Variants in TMC2 observed in about 807,000 individuals in gnomAD.
TMC2 encodes the protein transmembrane channel-like protein 2.
Under a neutral mutation model 105.9 loss-of-function variants are expected in TMC2, and 102 were observed. That is an observed-to-expected ratio of 0.96 (90% CI 0.82 to 1.14). The LOEUF is 1.14. Ranked by LOEUF, TMC2 falls within the 50% of genes most tolerant of loss-of-function variation. The probability of loss-of-function intolerance (pLI) is 0.00; values close to 1 mark genes in which losing one functional copy is unlikely to be tolerated. For missense variants in TMC2, 1,093 were observed against 1,134.3 expected (o/e 0.96, Z 0.52); for synonymous variants, 402 against 422.8 (o/e 0.95, Z 0.60).
Position 2,558,507 on chromosome 20 carries a change from G to C in TMC2, c.134G>C (p.Gly45Ala). 2 of 1,558,470 alleles carry C rather than the reference G, an allele frequency of 1.3e-6. No homozygotes were observed. The highest frequency in any genetic ancestry group is 1.7e-6 in the Non-Finnish European group (2 of 1,151,264). Reference protein sequence around the residue: ...SSSKRALKAEGTPGRRGAQRS... With the variant: ...SSSKRALKAEATPGRRGAQRS... ...AGCAAGCGGGCTCTCAAAGCCGAGG[G>C]GACCCCAGGCAGGCGCGGAGCTCAG... Residue 45 changes from glycine (G) to alanine (A), a missense_variant, in exon 3 of 20, where the codon GGG (glycine) becomes GCG (alanine). By Grantham distance (60) the Gly-to-Ala change is moderately conservative (BLOSUM62 0). Transcript: ENST00000358864. This position sits in a 1 kb window ranked among gnomAD's most constrained non-coding sequence, Gnocchi z 4.6.
chr20:2,616,936 GC>G lies in TMC2; in HGVS notation c.1941-132del. 2.2e-6 allele frequency: 2 copies of G among 892,666 alleles called. No individual in the cohort carries two copies. Among genetic ancestry groups the G allele is most frequent in the Non-Finnish European group, 3.4e-6 (2 of 584,950 alleles). The allele number at this position is 892,666 out of a possible 1,614,324, so 55.3% of individuals were successfully genotyped here. On this transcript the variant is annotated intron_variant, in intron 15 of 19. Transcript: ENST00000358864. This position sits in a 1 kb window ranked among gnomAD's most constrained non-coding sequence, Gnocchi z 4.8. ...GATCGATATTCTGGTTAAATGGGAG[GC>G]CCCTTACCTGGGGACTTGCCAGGAA...
chr20:2,624,456 T>A, intron 17 of TMC2, 60 bp downstream of exon 17: 1 of 1,565,820 alleles, frequency 6.4e-7, no homozygotes, highest in East Asian at 2.3e-5. Context: ...ATTTGAGACT[T>A]CCTTGGCAGG....
chr20:2,556,004 C>A (rs2085982715), intron 2 of TMC2, among the ~76,000 whole-genome samples: 1 of 152,220 alleles, frequency 6.6e-6, no homozygotes, highest in South Asian at 2.1e-4. Context: ...GATTATCCAA[C>A]ATATTGTTGC....
Position 2,637,486 on chromosome 20 carries a change from G to A in TMC2, c.2398G>A (p.Glu800Lys). 2 of 1,612,912 alleles carry A rather than the reference G, an allele frequency of 1.2e-6. No individual in the cohort carries two copies. The highest frequency in any genetic ancestry group is 1.7e-6 in the Non-Finnish European group (2 of 1,179,156). Residue 800 changes from glutamate to lysine, a missense_variant, in exon 19 of 20, where the codon GAG becomes AAG. Glu to Lys is a moderately conservative substitution (Grantham distance 56). Transcript: ENST00000358864. ...TTATTTCCTGCAGCTCCGTGAAGTT[G>A]AGAAGAGTCACAAATCTGTAAAAGG... is the stretch of plus-strand genomic sequence containing the variant. The part of the protein sequence containing the change: ...RKKIQVLREV[E>K]KSHKSVKGKA...
intron 3 of TMC2, among the ~76,000 whole-genome samples, chr20:2,560,278 A>AT (rs1170109990): frequency 3.3e-5 from 5 of 151,980 alleles, no homozygotes; most frequent in African/African-American, 1.2e-4. Context: ...AAAAAAAAAA[A>AT]AATATCTCTG....
At chr20:2,550,419 G>A (rs36096745) in intron 2 of TMC2, among the ~76,000 whole-genome samples, 2 of 151,870 alleles carry the variant, frequency 1.3e-5, no homozygotes, top group Non-Finnish European at 2.9e-5. Flanking sequence ...TCCCCTCACC[G>A]AATGTTTCTC....
chr20:2,599,209 G>A (rs575734955), intron 10 of TMC2, among the ~76,000 whole-genome samples: 12 of 151,220 alleles, frequency 7.9e-5, no homozygotes, highest in Admixed American at 4.6e-4. Flanking sequence ...CAGAAGTTGC[G>A]GAGAGCCAAG....
chr20:2,600,854 G>A lies in TMC2; in HGVS notation c.1225-1259G>A, dbSNP rs142976500. ...AAAAAAAATTTAGCCGGGTGTGGTG[G>A]TGGGCACCTGTAATCCCAGCTACTC... On this transcript the variant is annotated intron_variant, in intron 10 of 19. Transcript: ENST00000358864. 7.7e-3 allele frequency among the ~76,000 whole-genome samples: 1,171 copies of A among 151,568 alleles called. 17 individuals carry two copies. Among genetic ancestry groups the A allele is most frequent in the African/African-American group, 0.026 (1,077 of 41,304 alleles).
Position 2,612,349 on chromosome 20 carries a change from T to C in TMC2, c.1743+9T>C, listed in dbSNP as rs1026186511. The C allele has an allele frequency of 2.6e-6, 4 of 1,553,780 alleles. No individual in the cohort carries two copies. The highest frequency in any genetic ancestry group is 2.6e-6 in the Non-Finnish European group (3 of 1,140,712). On this transcript the variant is annotated intron_variant, in intron 13 of 19. Transcript: ENST00000358864. Reference sequence around the variant, plus strand: ...AGACAGCTGTGGGCATTGTGAGTAGTTACACTCTCTAAAAAGGTGACCCCT... The same window carrying C: ...AGACAGCTGTGGGCATTGTGAGTAGCTACACTCTCTAAAAAGGTGACCCCT...
chr20:2,608,122 T>TA (rs201069847), intron 11 of TMC2, among the ~76,000 whole-genome samples: 31,867 of 130,256 alleles, frequency 0.24, 3,945 homozygotes, highest in East Asian at 0.36. Context: ...AAAACTGTCT[T>TA]AAAAAAAAAA....
chr20:2,634,934 T>A (rs1272005174), intron 17 of TMC2, among the ~76,000 whole-genome samples: 1 of 152,234 alleles, frequency 6.6e-6, no homozygotes, highest in Non-Finnish European at 1.5e-5. Context: ...CTTCTCTGAC[T>A]GGAGAGGGCT....
intron 2 of TMC2, among the ~76,000 whole-genome samples, chr20:2,553,436 A>G (rs1372868214): frequency 6.6e-6 from 1 of 152,186 alleles, no homozygotes; most frequent in Non-Finnish European, 1.5e-5. Flanking sequence ...CCTGGACTAA[A>G]TCCCATTTGG....
intron 5 of TMC2, among the ~76,000 whole-genome samples, chr20:2,578,296 G>A (rs1296633162): frequency 6.6e-6 from 1 of 152,098 alleles, no homozygotes; most frequent in African/African-American, 2.4e-5. Context: ...CTCCAGCCTG[G>A]GCAACAGAGT....
At chr20:2,549,121 G>C (rs946051237) in intron 2 of TMC2, among the ~76,000 whole-genome samples, 1 of 152,154 alleles carries the variant, frequency 6.6e-6, no homozygotes, top group African/African-American at 2.4e-5. Flanking sequence ...CTGTTACCCA[G>C]GCTGGAGTGC....
intron 8 of TMC2, among the ~76,000 whole-genome samples, chr20:2,593,759 G>C (rs1044713363): frequency 6.6e-6 from 1 of 152,056 alleles, no homozygotes; most frequent in Non-Finnish European, 1.5e-5. Context: ...TTGCTGGAGT[G>C]ATCTTTATAA....
chr20:2,545,772 AGAT>A (rs1381534912), intron 2 of TMC2, among the ~76,000 whole-genome samples: 2 of 151,552 alleles, frequency 1.3e-5, no homozygotes, highest in East Asian at 1.9e-4. Flanking sequence ...AGGAAGAAGA[AGAT>A]GAAGAAGAAG....
Position 2,624,334 on chromosome 20 carries a change from G to A in TMC2, c.2244G>A (p.Leu748=), listed in dbSNP as rs779781207. The part of the protein sequence containing the change: ...ETIENDFPTF[L]GKIFAFLANP... Reference sequence around the variant, plus strand: ...TTGAAAACGATTTCCCAACCTTCCTGGGCAAGATCTTTGCTTTCCTCGCCA... The same window carrying A: ...TTGAAAACGATTTCCCAACCTTCCTAGGCAAGATCTTTGCTTTCCTCGCCA... The change falls in exon 17 of 20, where the codon CTG becomes CTA. Residue 748 remains leucine (L), a synonymous_variant. Coordinates refer to ENST00000358864, the MANE Select transcript of TMC2 (RefSeq NM_080751.3). 3.1e-6 allele frequency: 5 copies of A among 1,614,132 alleles called. 1 individual carries two copies. The Admixed American group carries it at 8.3e-5, about 27-fold the overall frequency.
At chr20:2,603,393 A>G (rs188070705) in intron 11 of TMC2, among the ~76,000 whole-genome samples, 1 of 152,338 alleles carries the variant, frequency 6.6e-6, no homozygotes, top group Non-Finnish European at 1.5e-5. Context: ...TAGGAGGACA[A>G]ATATAAAGCA....
rs933228060 is a variant in TMC2, at chr20:2,610,682, A to G, written c.1593+84A>G. On this transcript the variant is annotated intron_variant, in intron 12 of 19. Transcript: ENST00000358864. Reference sequence around the variant, plus strand: ...TTTTAATATAATAATTTCATTATATATAATTCATATTAATTAAATAAATGT... The same window carrying G: ...TTTTAATATAATAATTTCATTATATGTAATTCATATTAATTAAATAAATGT... 8 of 733,866 alleles carry G rather than the reference A, an allele frequency of 1.1e-5. No homozygotes were observed. The African/African-American group carries it at 1.1e-4, about 10-fold the overall frequency. The allele number at this position is 733,866 out of a possible 1,614,324, so 45.5% of individuals were successfully genotyped here. A position where few individuals can be genotyped will look rare whatever the true frequency, so the allele number is the denominator to read the frequency against.
Sources: gnomAD v4.1 joint callset for allele counts (sites outside exome capture counted in the v4.1 genomes callset) on GRCh38, gnomAD v4.1.1 for gene constraint, Gnocchi (gnomAD v3.1) non-coding constraint, MANE v1.5 for transcripts, NCBI Gene and HGNC (gene_info 2026-07-23, HGNC 2026-07-21) for gene names.